SAMD4A: variants seen among roughly 807,000 people sequenced by gnomAD.
SAMD4A encodes the protein sterile alpha motif domain containing 4A.
SAMD4A carries 33 observed loss-of-function variants against 81.3 expected under a neutral mutation model. The observed-to-expected ratio is 0.41, with a 90% CI of 0.31 to 0.54. The LOEUF is 0.54. Among genes scored for constraint, SAMD4A ranks in the 20% least tolerant of loss-of-function variants. SAMD4A has a pLI of 0.37. For synonymous variants in SAMD4A, 389 were observed against 382.1 expected, an observed-to-expected ratio of 1.02 and a Z score of -0.21; for missense variants, 854 against 951.1, an observed-to-expected ratio of 0.90 and a Z score of 1.34.
At chr14:54,673,815 C>T (rs1374543804) in intron 2 of SAMD4A, among the ~76,000 whole-genome samples, 1 of 152,332 alleles carries the variant, frequency 6.6e-6, no homozygotes, top group South Asian at 2.1e-4. Context: ...GATCAAATTT[C>T]GGTCTTCTGT....
At chr14:54,751,365 G>A in intron 5 of SAMD4A, 86 bp from the exon 6 acceptor site, 1 of 877,968 alleles carries the variant, frequency 1.1e-6, no homozygotes, top group Non-Finnish European at 1.8e-6. Flanking sequence ...AAAGAAGACA[G>A]TAAAAGCCTC....
intron 2 of SAMD4A, among the ~76,000 whole-genome samples, chr14:54,669,210 A>G (rs533391928): frequency 6.6e-6 from 1 of 152,244 alleles, no homozygotes; most frequent in East Asian, 1.9e-4. Flanking sequence ...ATTAGAGGAG[A>G]CACAGCTAAG....
In SAMD4A at chr14:54,586,516, G is replaced by T. The variant is rs569651090; in HGVS notation, c.196+18404G>T. On this transcript the variant is annotated intron_variant, in intron 2 of 12. Coordinates refer to ENST00000554335, the MANE Select transcript of SAMD4A (RefSeq NM_015589.6). Reference sequence around the variant, plus strand: ...ACGTCTTTACCTAAGCCAATATCTAGAAGGGTTTTTCCAATGTTATCTTCT... The same window carrying T: ...ACGTCTTTACCTAAGCCAATATCTATAAGGGTTTTTCCAATGTTATCTTCT... Among the ~76,000 whole-genome samples, 52 of 152,278 alleles carry T rather than the reference G, an allele frequency of 3.4e-4. No individual in the cohort carries two copies. The South Asian group carries it at 0.01, about 30-fold the overall frequency.
At chr14:54,775,806 T>C (rs1177422451) in intron 10 of SAMD4A, among the ~76,000 whole-genome samples, 1 of 151,764 alleles carries the variant, frequency 6.6e-6, no homozygotes, top group Admixed American at 6.6e-5. Flanking sequence ...ACAGATCAGC[T>C]TAAAAACAGG....
At chr14:54,604,991 A>C (rs571480647) in intron 2 of SAMD4A, among the ~76,000 whole-genome samples, 14 of 152,298 alleles carry the variant, frequency 9.2e-5, no homozygotes, top group Non-Finnish European at 1.5e-4. Flanking sequence ...TGGCTCAGCC[A>C]TTTTTACCTT....
chr14:54,608,253 G>T (rs1276696465), intron 2 of SAMD4A, among the ~76,000 whole-genome samples: 1 of 152,056 alleles, frequency 6.6e-6, no homozygotes, highest in Non-Finnish European at 1.5e-5. Context: ...TTCCATACCT[G>T]GCCCAGTTGT....
intron 3 of SAMD4A, among the ~76,000 whole-genome samples, chr14:54,724,123 T>C (rs1355354565): frequency 6.6e-6 from 1 of 152,040 alleles, no homozygotes; most frequent in Non-Finnish European, 1.5e-5. Context: ...GGTATTACCA[T>C]TATTGTAACT....
chr14:54,713,578 G>C (rs997676731), intron 3 of SAMD4A, among the ~76,000 whole-genome samples: 1 of 152,282 alleles, frequency 6.6e-6, no homozygotes, highest in Middle Eastern at 3.4e-3. Flanking sequence ...TCCATGGCTA[G>C]AGCTAGACAG....
At chr14:54,680,902 A>G (rs2140568930) in intron 2 of SAMD4A, among the ~76,000 whole-genome samples, 1 of 152,326 alleles carries the variant, frequency 6.6e-6, no homozygotes, top group East Asian at 1.9e-4. Context: ...AGCCAGAGAG[A>G]GAAGAATAAA....
At chr14:54,751,348 T>C (rs745694585) in intron 5 of SAMD4A, 103 bp from the exon 6 acceptor site, 5 of 719,602 alleles carry the variant, frequency 6.9e-6, no homozygotes, top group African/African-American at 1.8e-5. Flanking sequence ...CGTGAACATA[T>C]AGGAGCAAAG....
chr14:54,702,086 A>T lies in SAMD4A; in HGVS notation c.221A>T (p.Glu74Val), dbSNP rs1405161342. ...GGAATCATTAACCAATGGCAACAGG[A>T]ATCCAAGGATAAAGTGATTTCCCTC... ...SPGIINQWQQ[E>V]SKDKVISLLL... is the part of the protein sequence containing the mutation. Residue 74 changes from glutamate to valine, a missense_variant, in exon 3 of 13, where the codon GAA becomes GTA. Physicochemically the swap from Glu to Val is moderately radical, Grantham distance 121. Transcript: ENST00000554335. 3.1e-6 allele frequency: 5 copies of T among 1,613,980 alleles called. No individual in the cohort carries two copies. Among genetic ancestry groups the T allele is most frequent in the Non-Finnish European group, 4.2e-6 (5 of 1,179,972 alleles).
intron 3 of SAMD4A, among the ~76,000 whole-genome samples, chr14:54,710,608 T>C (rs2036964731): frequency 6.6e-6 from 1 of 152,174 alleles, no homozygotes; most frequent in African/African-American, 2.4e-5. Context: ...TGCTTTTCTC[T>C]GACCCTGGAT....
At chr14:54,692,881 C>CT (rs1555343998) in intron 2 of SAMD4A, 2 of 146,208 alleles carry the variant, frequency 1.4e-5, no homozygotes, top group African/African-American at 5.0e-5. Flanking sequence ...TTAGTGCCCC[C>CT]CCCCGCAAAA....
At chr14:54,687,971 C>T (rs2036321085) in intron 2 of SAMD4A, 6 of 985,898 alleles carry the variant, frequency 6.1e-6, no homozygotes, top group South Asian at 4.7e-5. Flanking sequence ...CAGCCAGACA[C>T]TCAATAATGA....
Position 54,760,469 on chromosome 14 carries a change from G to A in SAMD4A, c.1485G>A (p.Gly495=). The A allele has an allele frequency of 7.0e-7, 1 of 1,418,720 alleles. No individual in the cohort carries two copies. 87.9% of individuals were successfully genotyped at this position (1,418,720 alleles called of 1,614,324 possible). The change falls in exon 7 of 13, where the codon GGG becomes GGA. Residue 495 remains glycine (G), a synonymous_variant. Coordinates refer to ENST00000554335, the MANE Select transcript of SAMD4A (RefSeq NM_015589.6). Reference sequence around the variant, plus strand: ...CCCTGCCAGAGGGGGACCTCCCCGGGCAGTTCACACGCGTCATGGGGAAAG... The same window carrying A: ...CCCTGCCAGAGGGGGACCTCCCCGGACAGTTCACACGCGTCATGGGGAAAG... ...VAPLPEGDLP[G]QFTRVMGKVC... is the part of the protein sequence containing the mutation.
intron 9 of SAMD4A, among the ~76,000 whole-genome samples, chr14:54,770,646 A>G (rs1382587385): frequency 1.3e-5 from 2 of 152,218 alleles, no homozygotes; most frequent in African/African-American, 4.8e-5. Flanking sequence ...CAAGCTAATT[A>G]TAGTTGGTGG....
At chr14:54,655,489 T>C (rs1052357072) in intron 2 of SAMD4A, among the ~76,000 whole-genome samples, 1 of 152,060 alleles carries the variant, frequency 6.6e-6, no homozygotes, top group Non-Finnish European at 1.5e-5. Context: ...CCCAGCACTT[T>C]GGGAGGCTGA....
chr14:54,637,486 T>G (rs189423231), intron 2 of SAMD4A, among the ~76,000 whole-genome samples: 19 of 148,126 alleles, frequency 1.3e-4, no homozygotes, highest in Admixed American at 1.3e-3. Flanking sequence ...AGAAGCCAGG[T>G]GAAGAAGGAG....
chr14:54,681,902 A>C, intron 2 of SAMD4A: 1 of 985,444 alleles, frequency 1.0e-6, no homozygotes, highest in Non-Finnish European at 1.2e-6. Flanking sequence ...GGAGGATGGA[A>C]AGATTTATGA....
Sources: allele counts gnomAD v4.1 joint callset (sites outside exome capture counted in the v4.1 genomes callset), GRCh38; gene constraint gnomAD v4.1.1; transcripts MANE v1.5; gene names NCBI Gene and HGNC (gene_info 2026-07-23, HGNC 2026-07-21).